Variants in COPB2 observed in about 807,000 individuals in gnomAD.
The protein encoded by COPB2 is coatomer subunit beta'.
A neutral mutation model predicts 120.8 loss-of-function variants in COPB2; 16 were observed. The ratio of observed to expected loss-of-function variants is 0.13; its 90% CI spans 0.09 to 0.20. COPB2 has a LOEUF of 0.20. COPB2 is among the 10% of genes least tolerant of loss of function. The pLI is 1.00. For synonymous variants in COPB2, 332 were observed against 366.3 expected (o/e 0.91, Z 1.07); for missense variants, 794 against 1,076.5 (o/e 0.74, Z 3.67).
At chr3:139,377,636 G>A (rs889154494) in intron 5 of COPB2, among the ~76,000 whole-genome samples, 1 of 152,190 alleles carries the variant, frequency 6.6e-6, no homozygotes, top group African/African-American at 2.4e-5. Context: ...CAGCAGTGTG[G>A]TAAAATGGAG....
rs1941330298 is a variant in COPB2, at chr3:139,358,235, T to C, written c.2590A>G (p.Ile864Val). The change falls in exon 21 of 22, where the codon ATT becomes GTT. Residue 864 changes from isoleucine (I) to valine (V), a missense_variant. Ile to Val is a conservative substitution (Grantham distance 29). This residue lies in a region of COPB2 where 178 missense variants were observed against 183.2 expected (regional missense o/e 0.97). Transcript: ENST00000333188. ...TTGTTGGCTGTGTGGGAGGCCACAA[T>C]AACCGGAGTAGGAGAAGCAGGTTTC... ...DGKPASPTPVIVASHTANKEE... is the reference protein window; with the variant it reads ...DGKPASPTPVVVASHTANKEE... 1 of 1,614,152 alleles carries C rather than the reference T, an allele frequency of 6.2e-7. No homozygotes were observed. The highest frequency in any genetic ancestry group is 1.7e-5 in the Admixed American group (1 of 60,024).
chr3:139,389,330 C>T, intron 1 of COPB2: 1 of 619,372 alleles, frequency 1.6e-6, no homozygotes, highest in Non-Finnish European at 2.3e-6. Flanking sequence ...GAGACAAAAC[C>T]CCTCACTAGC....
At chr3:139,368,757 CCACT>C (rs1196260038) in intron 12 of COPB2, among the ~76,000 whole-genome samples, 2 of 152,018 alleles carry the variant, frequency 1.3e-5, no homozygotes, top group Non-Finnish European at 2.9e-5. Context: ...ATGTTTACAC[CCACT>C]GAGGATGCGT....
At chr3:139,385,568 C>T (rs1179278354) in intron 1 of COPB2, 3 of 151,982 alleles carry the variant, frequency 2.0e-5, no homozygotes, top group African/African-American at 7.3e-5. Context: ...CCTTTGGTAT[C>T]AAATGGGAAT....
chr3:139,388,567 G>C (rs1208773698), intron 1 of COPB2, among the ~76,000 whole-genome samples: 2 of 151,232 alleles, frequency 1.3e-5, no homozygotes, highest in East Asian at 3.9e-4. Flanking sequence ...CTTAAGATGA[G>C]GGACTTAATC....
chr3:139,380,513 A>C (rs774771633), intron 2 of COPB2: 1 of 151,870 alleles, frequency 6.6e-6, no homozygotes, highest in Non-Finnish European at 1.5e-5. Flanking sequence ...TAGAAAGAGC[A>C]GAGATCATGG....
chr3:139,362,273 G>C (rs1941434412), intron 16 of COPB2, 134 bp downstream of exon 16: 1 of 489,558 alleles, frequency 2.0e-6, no homozygotes. Context: ...AGATAAGAGA[G>C]AGACAATAAC....
rs367962790 is a variant in COPB2, at chr3:139,378,036, C to T, written c.504+5G>A. ...GATAACTGACACAAAATGTGGATGCCCTACCTTGATAGTCCTGTCCAAAGA... is the reference window on the plus strand; with the variant it reads ...GATAACTGACACAAAATGTGGATGCTCTACCTTGATAGTCCTGTCCAAAGA... On this transcript the variant is annotated splice_donor_5th_base_variant and intron_variant, in intron 5 of 21. Transcript: ENST00000333188. 2.0e-6 allele frequency: 3 copies of T among 1,520,058 alleles called. No homozygotes were observed. Among genetic ancestry groups the T allele is most frequent in the Non-Finnish European group, 2.7e-6 (3 of 1,116,132 alleles). The allele number at this position is 1,520,058 out of a possible 1,614,324, so 94.2% of individuals were successfully genotyped here.
chr3:139,373,897 A>G, intron 7 of COPB2, 89 bp from the exon 8 acceptor site: 1 of 1,477,760 alleles, frequency 6.8e-7, no homozygotes, highest in Non-Finnish European at 9.1e-7. Flanking sequence ...AAGTCTTTCT[A>G]TTCAAACAGA....
chr3:139,369,944 G>C (rs934337997), intron 10 of COPB2, among the ~76,000 whole-genome samples: 1 of 152,176 alleles, frequency 6.6e-6, no homozygotes, highest in African/African-American at 2.4e-5. Flanking sequence ...AAAAGATGCT[G>C]GACTCAAGAG....
chr3:139,363,092 A>G (rs1941454082), intron 15 of COPB2, among the ~76,000 whole-genome samples: 1 of 152,228 alleles, frequency 6.6e-6, no homozygotes, highest in Non-Finnish European at 1.5e-5. Flanking sequence ...TCCAGTCACC[A>G]ATTAGGTGTC....
chr3:139,361,859 T>C (rs1199212499), intron 16 of COPB2, among the ~76,000 whole-genome samples: 1 of 152,228 alleles, frequency 6.6e-6, no homozygotes, highest in African/African-American at 2.4e-5. Flanking sequence ...AAAAATGGTA[T>C]TAACATTTCT....
chr3:139,376,978 T>G (rs1941725692), intron 5 of COPB2, among the ~76,000 whole-genome samples: 1 of 152,186 alleles, frequency 6.6e-6, no homozygotes, highest in South Asian at 2.1e-4. Context: ...CTCGATCTCC[T>G]GACCTTGTGA....
intron 12 of COPB2, 97 bp from the exon 13 acceptor site, chr3:139,368,385 A>C: frequency 8.0e-7 from 1 of 1,257,256 alleles, no homozygotes; most frequent in Non-Finnish European, 1.1e-6. Context: ...ACCTTCTTAT[A>C]TCAAGATGAT....
At chr3:139,386,157 A>G (rs1941915783) in intron 1 of COPB2, among the ~76,000 whole-genome samples, 1 of 151,906 alleles carries the variant, frequency 6.6e-6, no homozygotes, top group African/African-American at 2.4e-5. Context: ...AACAACCTTT[A>G]CCTCTTACTT....
At position 139,357,784 on chromosome 3, in the gene COPB2, A is replaced by G. The variant is rs904599564; in HGVS notation, c.*79T>C. The G allele has an allele frequency of 2.9e-6, 2 of 684,174 alleles. No individual in the cohort carries two copies. The highest frequency in any genetic ancestry group is 3.7e-5 in the African/African-American group (2 of 53,862). 42.4% of individuals were successfully genotyped at this position (684,174 alleles called of 1,614,324 possible). A position where few individuals can be genotyped will look rare whatever the true frequency, so the allele number is the denominator to read the frequency against. ...AATCTAAGAAGTTTCTCATAGTCCA[A>G]AGCACTGTGGTCAGGGTAGCAATCA... On this transcript the variant is annotated 3_prime_UTR_variant, in exon 22 of 22. Transcript: ENST00000333188.
At chr3:139,374,237 T>C (rs1229387674) in intron 7 of COPB2, 3 of 490,978 alleles carry the variant, frequency 6.1e-6, no homozygotes, top group Non-Finnish European at 1.1e-5. Context: ...TCAGTTTCTC[T>C]TTAGGACAGC....
At chr3:139,383,827 T>C (rs1576379933) in intron 1 of COPB2, among the ~76,000 whole-genome samples, 1 of 89,652 alleles carries the variant, frequency 1.1e-5, no homozygotes, top group Non-Finnish European at 2.6e-5. Flanking sequence ...ATCCAGTACA[T>C]GTTAATTAAA....
intron 2 of COPB2, 52 bp downstream of exon 2, chr3:139,383,246 A>G: frequency 6.3e-7 from 1 of 1,586,172 alleles, no homozygotes; most frequent in Middle Eastern, 1.7e-4. Flanking sequence ...TTCATTATAA[A>G]CACAGTCTCA....
Sources: gnomAD v4.1 joint callset for allele counts (sites outside exome capture counted in the v4.1 genomes callset) on GRCh38, gnomAD v4.1.1 for gene constraint, gnomAD v4.1.1 regional missense constraint, MANE v1.5 for transcripts, NCBI Gene and HGNC (gene_info 2026-07-23, HGNC 2026-07-21) for gene names.